Variants in SLC14A2 observed in about 807,000 individuals in gnomAD.
SLC14A2 encodes the protein urea transporter 2.
SLC14A2 carries 91 observed loss-of-function variants against 104.6 expected under a neutral mutation model. That is an observed-to-expected ratio of 0.87 (90% CI 0.73 to 1.04). SLC14A2 has a LOEUF of 1.04. Ranked by LOEUF, SLC14A2 falls within the 50% of genes least tolerant of loss-of-function variation. The probability of loss-of-function intolerance (pLI) is 0.00; values close to 1 mark genes in which losing one functional copy is unlikely to be tolerated. For missense variants in SLC14A2, 1,189 were observed against 1,156.0 expected, an observed-to-expected ratio of 1.03 and a Z score of -0.41; for synonymous variants, 476 against 466.4, an observed-to-expected ratio of 1.02 and a Z score of -0.27.
At chr18:45,221,086 G>T (rs1173479460) in intron 1 of SLC14A2, among the ~76,000 whole-genome samples, 1 of 152,174 alleles carries the variant, frequency 6.6e-6, no homozygotes. Flanking sequence ...CTGAGATTTT[G>T]GGGGTTCAGG....
At chr18:45,488,873 G>A (rs1337490195) in intron 2 of SLC14A2, among the ~76,000 whole-genome samples, 1 of 152,204 alleles carries the variant, frequency 6.6e-6, no homozygotes, top group East Asian at 1.9e-4. Flanking sequence ...TCGGGTCAGT[G>A]GTGAGCCAGC....
chr18:45,459,244 C>A (rs2086999493), intron 1 of SLC14A2, among the ~76,000 whole-genome samples: 1 of 152,198 alleles, frequency 6.6e-6, no homozygotes, highest in African/African-American at 2.4e-5. Flanking sequence ...AGGGTGGAGA[C>A]AGAGAGGGCC....
the SLC14A2 span, among the ~76,000 whole-genome samples, chr18:45,198,328 T>C: frequency 6.6e-6 from 1 of 152,188 alleles, no homozygotes; most frequent in African/African-American, 2.4e-5. Context: ...AAAGTTTACC[T>C]GGACCCCTCA....
At chr18:45,414,090 T>C (rs1171906070) in intron 1 of SLC14A2, among the ~76,000 whole-genome samples, 1 of 152,228 alleles carries the variant, frequency 6.6e-6, no homozygotes, top group Non-Finnish European at 1.5e-5. Flanking sequence ...CTGTGGAGTA[T>C]TGTGAGAATA....
chr18:45,260,117 G>A (rs1383561644), intron 1 of SLC14A2, among the ~76,000 whole-genome samples: 2 of 152,196 alleles, frequency 1.3e-5, no homozygotes, highest in African/African-American at 2.4e-5. Flanking sequence ...TGACAAGTTA[G>A]CCTGAAGCAA....
At chr18:45,478,027 G>T (rs1048052390) in intron 1 of SLC14A2, among the ~76,000 whole-genome samples, 1 of 152,118 alleles carries the variant, frequency 6.6e-6, no homozygotes, top group African/African-American at 2.4e-5. Flanking sequence ...GTGCCACTGG[G>T]GTATGAAGAA....
intron 2 of SLC14A2, among the ~76,000 whole-genome samples, chr18:45,563,731 G>C (rs1004175818): frequency 1.3e-5 from 2 of 152,128 alleles, no homozygotes; most frequent in African/African-American, 4.8e-5. Flanking sequence ...TTTTCAATAT[G>C]ACTTTATAGA....
intron 1 of SLC14A2, among the ~76,000 whole-genome samples, chr18:45,289,061 C>T (rs773712470): frequency 1.5e-4 from 23 of 152,182 alleles, no homozygotes; most frequent in Non-Finnish European, 3.1e-4. Flanking sequence ...GCCTGGGACG[C>T]TTGCTGTTCA....
intron 11 of SLC14A2, among the ~76,000 whole-genome samples, chr18:45,664,922 TA>T (rs1356083292): frequency 6.6e-6 from 1 of 152,056 alleles, no homozygotes; most frequent in African/African-American, 2.4e-5. Flanking sequence ...CGTCTCAGGA[TA>T]GGGGCTGTGG....
chr18:45,582,483 T>C (rs1234493105), intron 2 of SLC14A2, among the ~76,000 whole-genome samples: 1 of 150,398 alleles, frequency 6.6e-6, no homozygotes, highest in African/African-American at 2.4e-5. Context: ...AAAAGCCATA[T>C]CAATAAAAAA....
intron 1 of SLC14A2, among the ~76,000 whole-genome samples, chr18:45,454,695 G>A (rs1373891934): frequency 6.6e-6 from 1 of 152,180 alleles, no homozygotes; most frequent in East Asian, 1.9e-4. Flanking sequence ...GTGTACGGAA[G>A]GGGTCCAGTT....
At chr18:45,307,672 T>TA (rs527739263) in intron 1 of SLC14A2, among the ~76,000 whole-genome samples, 52 of 152,100 alleles carry the variant, frequency 3.4e-4, no homozygotes, top group Non-Finnish European at 5.3e-4. Flanking sequence ...CTACTTTCTG[T>TA]AAAAAACCTA....
chr18:45,663,990 C>G, intron 11 of SLC14A2, 83 bp downstream of exon 11: 1 of 1,425,428 alleles, frequency 7.0e-7, no homozygotes, highest in Non-Finnish European at 9.5e-7. Flanking sequence ...ACCTACTTCA[C>G]AGGGTGGTGG....
intron 2 of SLC14A2, among the ~76,000 whole-genome samples, chr18:45,505,745 G>C (rs2043273835): frequency 6.6e-6 from 1 of 152,128 alleles, no homozygotes; most frequent in African/African-American, 2.4e-5. Context: ...GGAAGCATCT[G>C]TTGCCTTTTC....
At chr18:45,613,056 A>C (rs1355877603), upstream of SLC14A2, among the ~76,000 whole-genome samples, 1 of 151,946 alleles carries the variant, frequency 6.6e-6, no homozygotes, top group Non-Finnish European at 1.5e-5. Context: ...TTGTTTTTTG[A>C]GACAGTCTCA....
intron 1 of SLC14A2, among the ~76,000 whole-genome samples, chr18:45,389,992 A>C (rs1438496558): frequency 6.6e-6 from 1 of 152,210 alleles, no homozygotes; most frequent in Non-Finnish European, 1.5e-5. Context: ...AACTGCTCCA[A>C]ATAAATAAAA....
chr18:45,210,842 G>A (rs1416487596), upstream of SLC14A2, among the ~76,000 whole-genome samples: 2 of 152,190 alleles, frequency 1.3e-5, no homozygotes, highest in African/African-American at 4.8e-5. Flanking sequence ...AATATGGAAT[G>A]TGTTGTTGTG....
At chr18:45,525,520 C>T (rs2043583351) in intron 2 of SLC14A2, among the ~76,000 whole-genome samples, 1 of 152,230 alleles carries the variant, frequency 6.6e-6, no homozygotes, top group Non-Finnish European at 1.5e-5. Flanking sequence ...ACTCCTTTGA[C>T]TTGTTCTGAA....
the SLC14A2 span, among the ~76,000 whole-genome samples, chr18:45,195,892 T>A: frequency 6.6e-6 from 1 of 151,956 alleles, no homozygotes; most frequent in South Asian, 2.1e-4. Flanking sequence ...ATGAGACAAA[T>A]CAAACAGAGT....
Sources: allele counts gnomAD v4.1 joint callset (sites outside exome capture counted in the v4.1 genomes callset), GRCh38; gene constraint gnomAD v4.1.1; transcripts MANE v1.5; gene names NCBI Gene and HGNC (gene_info 2026-07-23, HGNC 2026-07-21).